Variants in NGEF observed in about 807,000 individuals in gnomAD.
The protein encoded by NGEF is neuronal guanine nucleotide exchange factor.
Under a neutral mutation model 80.9 loss-of-function variants are expected in NGEF, and 31 were observed. The ratio of observed to expected loss-of-function variants is 0.38; its 90% CI spans 0.29 to 0.52. The LOEUF is 0.52. NGEF is among the 20% of genes least tolerant of loss of function. The pLI, the probability that NGEF is intolerant of heterozygous loss-of-function variation, is 0.84. For missense variants in NGEF, 709 were observed against 926.2 expected (o/e 0.77, Z 3.04); for synonymous variants, 371 against 370.2 (o/e 1.00, Z -0.03).
intron 11 of NGEF, 36 bp from the exon 12 acceptor site, chr2:232,883,502 C>G (rs760295781): frequency 1.3e-6 from 2 of 1,528,632 alleles, no homozygotes; most frequent in Middle Eastern, 1.7e-4. Context: ...GTGTCAGCCC[C>G]GAGGAGGCCT....
intron 1 of NGEF, among the ~76,000 whole-genome samples, chr2:232,983,468 G>C (rs543916450): frequency 6.6e-6 from 1 of 152,152 alleles, no homozygotes; most frequent in Non-Finnish European, 1.5e-5. Flanking sequence ...GAAGCAGGTC[G>C]GGGTGGGGGT....
intron 3 of NGEF, among the ~76,000 whole-genome samples, chr2:232,955,150 T>G (rs1693795289): frequency 6.6e-6 from 1 of 152,192 alleles, no homozygotes; most frequent in African/African-American, 2.4e-5. Context: ...TTAATTGTTT[T>G]TTACATTTTA....
chr2:232,927,869 G>A, intron 3 of NGEF: 3 of 1,260,540 alleles, frequency 2.4e-6, no homozygotes, highest in Non-Finnish European at 1.0e-6. Flanking sequence ...GCGCGCCGGG[G>A]CCGGGACAGG....
intron 3 of NGEF, among the ~76,000 whole-genome samples, chr2:232,927,577 G>A (rs1054234537): frequency 1.3e-5 from 2 of 152,114 alleles, no homozygotes; most frequent in Admixed American, 6.5e-5. Flanking sequence ...TTCGGACTCC[G>A]ATCCTCCCGT....
At chr2:232,918,594 CAT>C (rs941291641) in intron 5 of NGEF, among the ~76,000 whole-genome samples, 4 of 148,404 alleles carry the variant, frequency 2.7e-5, no homozygotes, top group Admixed American at 1.3e-4. Context: ...AGGTTTCTAA[CAT>C]GTGTTTAGGT....
At chr2:232,894,561 C>T (rs1185730096) in intron 6 of NGEF, 195 bp downstream of exon 6, 4 of 498,794 alleles carry the variant, frequency 8.0e-6, no homozygotes, top group African/African-American at 1.9e-5. Context: ...CGCCGGGGGA[C>T]GTGACTGGCC....
chr2:232,888,508 C>T (rs1691775889), intron 8 of NGEF, among the ~76,000 whole-genome samples: 1 of 151,966 alleles, frequency 6.6e-6, no homozygotes, highest in African/African-American at 2.4e-5. Flanking sequence ...TACAAACATG[C>T]ATACAAGCAT....
intron 3 of NGEF, among the ~76,000 whole-genome samples, chr2:232,943,579 T>A (rs2106298985): frequency 6.7e-6 from 1 of 150,082 alleles, no homozygotes; most frequent in East Asian, 2.0e-4. Context: ...CACTGCAAGC[T>A]CCGCCTCCCG....
chr2:232,960,985 C>G (rs563923049), intron 3 of NGEF, among the ~76,000 whole-genome samples: 1 of 152,240 alleles, frequency 6.6e-6, no homozygotes, highest in Admixed American at 6.5e-5. Context: ...TACAGAACAC[C>G]TTTCTGCAAT....
chr2:232,998,789 C>G (rs1437155996), intron 1 of NGEF, among the ~76,000 whole-genome samples: 1 of 152,138 alleles, frequency 6.6e-6, no homozygotes, highest in Non-Finnish European at 1.5e-5. Flanking sequence ...GGAAGGTGTT[C>G]CCTCCCAGCA....
At chr2:232,890,581 CA>C (rs1691850127) in intron 8 of NGEF, among the ~76,000 whole-genome samples, 1 of 152,184 alleles carries the variant, frequency 6.6e-6, no homozygotes, top group Non-Finnish European at 1.5e-5. Flanking sequence ...CTCCCCGCCC[CA>C]AGACGTCCCC....
At chr2:232,927,829 C>T in intron 3 of NGEF, 1 of 1,115,468 alleles carries the variant, frequency 9.0e-7, no homozygotes, top group South Asian at 3.6e-5. Flanking sequence ...GGACCCCGGG[C>T]GCAAGCTGGG....
chr2:232,953,351 A>G (rs1371586487), intron 3 of NGEF, among the ~76,000 whole-genome samples: 1 of 138,764 alleles, frequency 7.2e-6, no homozygotes, highest in African/African-American at 2.6e-5. Flanking sequence ...GAAAGAGAGA[A>G]AGAAAGAAAG....
intron 3 of NGEF, among the ~76,000 whole-genome samples, chr2:232,938,896 C>CCTAAGGGGTAAATACTA (rs1292026751): frequency 1.4e-4 from 19 of 138,870 alleles, no homozygotes; most frequent in African/African-American, 5.1e-4. Flanking sequence ...AGAACTCAAA[C>CCTAAGGGGTAAATACTA]TAGGCCGGGT....
At chr2:232,979,771 A>G (rs1694371316) in intron 1 of NGEF, among the ~76,000 whole-genome samples, 1 of 151,986 alleles carries the variant, frequency 6.6e-6, no homozygotes, top group South Asian at 2.1e-4. Flanking sequence ...TCCCTCCTTA[A>G]TAAGCTTCCT....
At position 232,989,318 on chromosome 2, in the gene NGEF, C is replaced by T. The variant is rs994417228; in HGVS notation, c.-74-14354G>A. Among the ~76,000 whole-genome samples, 4 of 152,166 alleles carry T rather than the reference C, an allele frequency of 2.6e-5. 1 individual carries two copies. On this transcript the variant is annotated intron_variant, in intron 1 of 14. Transcript: ENST00000264051. ...CAAAAATTAGCCAGGCATGGTGGTG[C>T]ACACCTGTAATCCCAGCTACTCAGG... is the stretch of plus-strand genomic sequence containing the variant.
chr2:232,891,843 C>G (rs1362401268), intron 7 of NGEF, among the ~76,000 whole-genome samples: 1 of 152,172 alleles, frequency 6.6e-6, no homozygotes, highest in Non-Finnish European at 1.5e-5. Context: ...GGGCAGCAGG[C>G]TAGAGACACC....
At chr2:232,902,772 G>A (rs1575005001) in intron 5 of NGEF, among the ~76,000 whole-genome samples, 3 of 152,140 alleles carry the variant, frequency 2.0e-5, no homozygotes, top group Admixed American at 6.5e-5. Flanking sequence ...AGGCCCAGGC[G>A]GGTGGATCAC....
intron 3 of NGEF, among the ~76,000 whole-genome samples, chr2:232,969,487 T>TCCTTCCTTCCTTCCTC (rs1559229015): frequency 1.8e-5 from 2 of 112,342 alleles, no homozygotes; most frequent in African/African-American, 3.5e-5. Context: ...CTTCCTTCCT[T>TCCTTCCTTCCTTCCTC]CCTCCCTCCC....
Sources: allele counts gnomAD v4.1 joint callset (sites outside exome capture counted in the v4.1 genomes callset), GRCh38; gene constraint gnomAD v4.1.1; transcripts MANE v1.5; gene names NCBI Gene and HGNC (gene_info 2026-07-23, HGNC 2026-07-21).